Variants in CENPE observed in about 807,000 individuals in gnomAD.
The protein encoded by CENPE is centromere-associated protein E.
CENPE carries 145 observed loss-of-function variants against 336.1 expected under a neutral mutation model. The ratio of observed to expected loss-of-function variants is 0.43; its 90% CI spans 0.38 to 0.50. CENPE has a LOEUF of 0.50. Ranked by LOEUF, CENPE falls within the 20% of genes least tolerant of loss-of-function variation. The pLI, the probability that CENPE is intolerant of heterozygous loss-of-function variation, is 0.00. For missense variants in CENPE, 2,719 were observed against 3,023.3 expected, an observed-to-expected ratio of 0.90 and a Z score of 2.36; for synonymous variants, 1,013 against 984.8, an observed-to-expected ratio of 1.03 and a Z score of -0.54.
chr4:103,134,479 A>T (rs1200830374), intron 40 of CENPE, among the ~76,000 whole-genome samples: 1 of 151,774 alleles, frequency 6.6e-6, no homozygotes, highest in Non-Finnish European at 1.5e-5. Flanking sequence ...CTAAAAATAC[A>T]AAAAATTAGC....
At chr4:103,173,630 T>TTTGCAATATTTGCAGA (rs1212496499) in intron 16 of CENPE, among the ~76,000 whole-genome samples, 54 of 151,396 alleles carry the variant, frequency 3.6e-4, no homozygotes, top group Non-Finnish European at 5.2e-4. Context: ...TTGCAAAATA[T>TTTGCAATATTTGCAGA]ACATCTGACA....
At chr4:103,175,410 G>A (rs1179209186) in intron 15 of CENPE, among the ~76,000 whole-genome samples, 1 of 151,480 alleles carries the variant, frequency 6.6e-6, no homozygotes, top group Admixed American at 6.6e-5. Flanking sequence ...GTATGTATTA[G>A]GAACAAAAAA....
intron 24 of CENPE, among the ~76,000 whole-genome samples, chr4:103,154,193 A>T (rs1753783993): frequency 6.6e-6 from 1 of 152,070 alleles, no homozygotes; most frequent in Non-Finnish European, 1.5e-5. Flanking sequence ...ACAATAGAAA[A>T]ATAAAGGATA....
At chr4:103,194,716 G>A (rs1245378584) in intron 5 of CENPE, 32 bp from the exon 6 acceptor site, 2 of 1,517,084 alleles carry the variant, frequency 1.3e-6, no homozygotes, top group East Asian at 2.3e-5. Flanking sequence ...AAAGATTAGA[G>A]AAATAGAAGT....
rs1750778879 is a variant in CENPE, at chr4:103,123,071, T to C, written c.6943A>G (p.Thr2315Ala). 6.2e-7 allele frequency: 1 copy of C among 1,613,704 alleles called. No individual in the cohort carries two copies. The change falls in exon 43 of 49, where the codon ACA (threonine) becomes GCA (alanine). Residue 2315 changes from threonine to alanine, a missense_variant. By Grantham distance (58) the Thr-to-Ala change is moderately conservative. Coordinates refer to ENST00000265148, the MANE Select transcript of CENPE (RefSeq NM_001813.3). Reference protein sequence around the residue: ...NRIIAIMNESTEFEERSATIS... With the variant: ...NRIIAIMNESAEFEERSATIS... ...GTAGCACTTCTTTCCTCAAACTCTG[T>C]TGATTCATTCATTATGGCCTATTGA...
Position 103,137,089 on chromosome 4 carries a change from C to G in CENPE, c.6304-730G>C, listed in dbSNP as rs1032631779. On this transcript the variant is annotated intron_variant, in intron 39 of 48. Transcript: ENST00000265148. ...ATGTTTATAAACATGTTTCTATACC[C>G]AAGTTTTGAACTAAGTCAGATACAA... Among the ~76,000 whole-genome samples, 4 of 152,084 alleles carry G rather than the reference C, an allele frequency of 2.6e-5. No homozygotes were observed. The East Asian group carries it at 7.7e-4, about 29-fold the overall frequency.
intron 14 of CENPE, 25 bp downstream of exon 14, chr4:103,176,874 A>G (rs1478810383): frequency 6.5e-7 from 1 of 1,528,878 alleles, no homozygotes; most frequent in Non-Finnish European, 8.9e-7. Context: ...AATTAAACAT[A>G]GTTCCACTTG....
intron 21 of CENPE, 59 bp downstream of exon 21, chr4:103,160,566 C>G (rs1007448791): frequency 5.0e-6 from 7 of 1,413,000 alleles, no homozygotes; most frequent in South Asian, 2.7e-5. Context: ...ATTTAAGGCA[C>G]TATTATCGCA....
intron 47 of CENPE, among the ~76,000 whole-genome samples, chr4:103,110,609 C>T (rs185056101): frequency 1.8e-3 from 267 of 152,196 alleles, no homozygotes; most frequent in Non-Finnish European, 1.8e-3. Context: ...TATTTCTTGC[C>T]TTGGTTAAGA....
chr4:103,146,101 C>G lies in CENPE; in HGVS notation c.4141G>C (p.Glu1381Gln), dbSNP rs1342399268. 6.2e-7 allele frequency: 1 copy of G among 1,612,070 alleles called. No homozygotes were observed. Among genetic ancestry groups the G allele is most frequent in the Admixed American group, 1.7e-5 (1 of 59,742 alleles). ...GACTGTTCTTGTTTGCTTTGAGACT[C>G]CTGGATCTTAAGAGAATCATAAAAC... ...HIRETLAKIQESQSKQEQSLN... is the reference protein window; with the variant it reads ...HIRETLAKIQQSQSKQEQSLN... Residue 1381 changes from glutamate (E) to glutamine (Q), a missense_variant, in exon 30 of 49, where the codon GAG (glutamate) becomes CAG (glutamine). Transcript: ENST00000265148.
At chr4:103,134,924 G>A (rs1751938340) in intron 40 of CENPE, among the ~76,000 whole-genome samples, 1 of 152,180 alleles carries the variant, frequency 6.6e-6, no homozygotes, top group Non-Finnish European at 1.5e-5. Flanking sequence ...GATCACTAAT[G>A]AGTTCTATTA....
At chr4:103,175,429 T>G (rs1755776595) in intron 15 of CENPE, among the ~76,000 whole-genome samples, 1 of 152,030 alleles carries the variant, frequency 6.6e-6, no homozygotes, top group Non-Finnish European at 1.5e-5. Context: ...AAACACTTTA[T>G]CAATAATACT....
At position 103,132,960 on chromosome 4, in the gene CENPE, TTATATATATATA is replaced by T. The variant is rs56951110; in HGVS notation, c.6721-76_6721-65del. On this transcript the variant is annotated intron_variant, in intron 41 of 48. Transcript: ENST00000265148. The stretch of plus-strand genomic sequence containing the variant: ...GAAAGTTTTGATCCAAATATTTTAT[TTATATATATATA>T]TATATATATATAAAATAAAAAGAGG... 3 of 148,226 alleles carry T rather than the reference TTATATATATATA, an allele frequency of 2.0e-5. 1 individual carries two copies. The highest frequency in any genetic ancestry group is 1.2e-5 in the Non-Finnish European group (1 of 80,126). The allele number at this position is 148,226 out of a possible 1,614,324, so 9.2% of individuals were successfully genotyped here.
rs1176919714 is a variant in CENPE, at chr4:103,149,478, C to T, written c.3397-70G>A. 48 of 1,333,034 alleles carry T rather than the reference C, an allele frequency of 3.6e-5. No homozygotes were observed. The South Asian group carries it at 4.4e-4, about 12-fold the overall frequency. The allele number at this position is 1,333,034 out of a possible 1,614,324, so 82.6% of individuals were successfully genotyped here. The stretch of plus-strand genomic sequence containing the variant: ...CAAAATTCTTACACAAAATCATTAA[C>T]AGCCTTGCCTCCTATCAGCATATAA... On this transcript the variant is annotated intron_variant, in intron 26 of 48. Transcript: ENST00000265148.
chr4:103,173,168 C>A lies in CENPE; in HGVS notation c.1647+1568G>T, dbSNP rs112432533. The stretch of plus-strand genomic sequence containing the variant: ...TACTGGCATAGAAACAGACAACAGG[C>A]CAATAGAACAGAGAACGCGGAAATA... On this transcript the variant is annotated intron_variant, in intron 16 of 48. Transcript: ENST00000265148. Among the ~76,000 whole-genome samples the A allele has an allele frequency of 1.7e-3, 251 of 151,812 alleles. 3 individuals carry two copies. Among genetic ancestry groups the A allele is most frequent in the African/African-American group, 5.7e-3 (235 of 41,452 alleles).
intron 24 of CENPE, among the ~76,000 whole-genome samples, chr4:103,154,231 A>C (rs938087761): frequency 2.6e-5 from 4 of 152,058 alleles, no homozygotes; most frequent in African/African-American, 9.7e-5. Flanking sequence ...CCAACTTCAC[A>C]CAACAAACTA....
At chr4:103,175,529 T>C (rs971987675) in intron 15 of CENPE, among the ~76,000 whole-genome samples, 11 of 152,082 alleles carry the variant, frequency 7.2e-5, no homozygotes, top group Non-Finnish European at 1.3e-4. Context: ...CAACTATACA[T>C]CTTTAAACAC....
At chr4:103,136,987 A>G (rs1294404939) in intron 39 of CENPE, among the ~76,000 whole-genome samples, 1 of 152,172 alleles carries the variant, frequency 6.6e-6, no homozygotes, top group East Asian at 1.9e-4. Context: ...GGGTCAAGTA[A>G]AATATATGAT....
chr4:103,116,681 A>C lies in CENPE; in HGVS notation c.7338T>G (p.Val2446=), dbSNP rs765546795. 6 of 1,551,422 alleles carry C rather than the reference A, an allele frequency of 3.9e-6. No homozygotes were observed. In the Admixed American group the frequency reaches 1.3e-4, roughly 33 times the overall value. Residue 2446 remains valine (V), a synonymous_variant, in exon 45 of 49, where the codon GTT becomes GTG. Transcript: ENST00000265148. ...CTTTATATGGCTTAGCTCCTAAAGC[A>C]ACTTTGTCCTAAATTTTTTTTAGAG... The part of the protein sequence containing the change: ...KETIQVLQDK[V]ALGAKPYKEE...
Sources: allele counts gnomAD v4.1 joint callset (sites outside exome capture counted in the v4.1 genomes callset), GRCh38; gene constraint gnomAD v4.1.1; transcripts MANE v1.5; gene names NCBI Gene and HGNC (gene_info 2026-07-23, HGNC 2026-07-21).